CCSER1: variants seen among roughly 807,000 people sequenced by gnomAD.
The protein encoded by CCSER1 is coiled-coil serine rich protein 1.
Under a neutral mutation model 82.0 loss-of-function variants are expected in CCSER1, and 41 were observed. That is an observed-to-expected ratio of 0.50 (90% confidence interval 0.39 to 0.65). CCSER1 has a LOEUF of 0.65. Among genes scored for constraint, CCSER1 ranks in the 30% least tolerant of loss-of-function variants. The pLI is 0.00. For synonymous variants in CCSER1, 414 were observed against 383.9 expected (o/e 1.08, Z -0.92); for missense variants, 1,119 against 1,064.2 (o/e 1.05, Z -0.72).
chr4:90,488,490 G>A (rs1023406235), intron 5 of CCSER1, among the ~76,000 whole-genome samples: 12 of 151,988 alleles, frequency 7.9e-5, no homozygotes, highest in Admixed American at 2.0e-4. Flanking sequence ...ACCAGGCGAC[G>A]TCCTCTCTAT....
intron 10 of CCSER1, among the ~76,000 whole-genome samples, chr4:91,541,646 G>A (rs1373380151): frequency 6.6e-6 from 1 of 152,146 alleles, no homozygotes; most frequent in South Asian, 2.1e-4. Context: ...ATTTGAGTTG[G>A]TTCCAAATCT....
Position 90,557,301 on chromosome 4 carries a change from G to A in CCSER1, c.1725-70724G>A, listed in dbSNP as rs188978080. Among the ~76,000 whole-genome samples, 16 of 152,096 alleles carry A rather than the reference G, an allele frequency of 1.1e-4. 1 individual carries two copies. The East Asian group carries it at 1.9e-3, about 18-fold the overall frequency. On this transcript the variant is annotated intron_variant, in intron 5 of 10. Transcript: ENST00000509176. Reference sequence around the variant, plus strand: ...TATCTTGGAATCAGAATAATTGATCGATACAGCAAAGATTTTTGTAAATAT... The same window carrying A: ...TATCTTGGAATCAGAATAATTGATCAATACAGCAAAGATTTTTGTAAATAT...
intron 5 of CCSER1, among the ~76,000 whole-genome samples, chr4:90,491,058 A>G (rs1441985777): frequency 2.0e-5 from 3 of 152,196 alleles, no homozygotes; most frequent in African/African-American, 7.2e-5. Flanking sequence ...TTCTGTGAAG[A>G]AAGTCATTGG....
At chr4:90,653,616 T>TA (rs1237831878) in intron 6 of CCSER1, among the ~76,000 whole-genome samples, 5 of 152,146 alleles carry the variant, frequency 3.3e-5, no homozygotes, top group Admixed American at 6.5e-5. Context: ...ACATAATTTT[T>TA]ATATTTCCAG....
intron 10 of CCSER1, among the ~76,000 whole-genome samples, chr4:91,101,432 G>A (rs1382246315): frequency 6.6e-6 from 1 of 152,122 alleles, no homozygotes; most frequent in African/African-American, 2.4e-5. Context: ...TTAAGAACCT[G>A]GTTTAAGACC....
chr4:90,438,698 T>C (rs2153571164), intron 4 of CCSER1, among the ~76,000 whole-genome samples: 1 of 152,304 alleles, frequency 6.6e-6, no homozygotes, highest in East Asian at 1.9e-4. Flanking sequence ...ACAGGATATG[T>C]CATGGTAGAT....
chr4:91,183,406 T>C (rs1734231513), intron 10 of CCSER1, among the ~76,000 whole-genome samples: 1 of 152,186 alleles, frequency 6.6e-6, no homozygotes, highest in South Asian at 2.1e-4. Context: ...CACCTTCAAT[T>C]GGTTTAAATT....
Position 91,355,880 on chromosome 4 carries a change from CT to C in CCSER1, c.2218-242691del, listed in dbSNP as rs1748794966. Among the ~76,000 whole-genome samples, 4 of 152,330 alleles carry C rather than the reference CT, an allele frequency of 2.6e-5. No individual in the cohort carries two copies. In the Middle Eastern group the frequency reaches 0.01, roughly 389 times the overall value. On this transcript the variant is annotated intron_variant, in intron 10 of 10. Coordinates refer to ENST00000509176, the MANE Select transcript of CCSER1 (RefSeq NM_001145065.2). ...ACACCTCTACACAGTTAATGTTTCA[CT>C]GGGCTCCCTGATACCAGGAGTAAGG...
intron 5 of CCSER1, among the ~76,000 whole-genome samples, chr4:90,534,954 T>C (rs1775126248): frequency 6.6e-6 from 1 of 152,198 alleles, no homozygotes; most frequent in Admixed American, 6.5e-5. Context: ...ATCTTGGATC[T>C]ACTGAATCAG....
chr4:90,210,081 T>C (rs1196261034), intron 1 of CCSER1, among the ~76,000 whole-genome samples: 3 of 152,176 alleles, frequency 2.0e-5, no homozygotes, highest in African/African-American at 7.2e-5. Flanking sequence ...AGGAATCTCT[T>C]TTTCCCTTCC....
In CCSER1 at chr4:90,309,279, C is replaced by T. The variant is rs780656317; in HGVS notation, c.995C>T (p.Thr332Ile). The T allele has an allele frequency of 6.2e-6, 10 of 1,613,840 alleles. No individual in the cohort carries two copies. Among genetic ancestry groups the T allele is most frequent in the Non-Finnish European group, 8.5e-6 (10 of 1,179,810 alleles). Residue 332 changes from threonine (T) to isoleucine (I), a missense_variant, in exon 2 of 11, where the codon ACT becomes ATT. Thr to Ile is a moderately conservative substitution (Grantham distance 89, BLOSUM62 -1). Coordinates refer to ENST00000509176, the MANE Select transcript of CCSER1 (RefSeq NM_001145065.2). ...GKYRLEGQCSTESNSLPETSA... is the reference protein window; with the variant it reads ...GKYRLEGQCSIESNSLPETSA... Reference sequence around the variant, plus strand: ...TATAGGTTAGAGGGTCAATGTAGCACTGAATCTAATTCATTACCGGAAACC... The same window carrying T: ...TATAGGTTAGAGGGTCAATGTAGCATTGAATCTAATTCATTACCGGAAACC...
At chr4:91,104,292 A>G (rs1182984157) in intron 10 of CCSER1, among the ~76,000 whole-genome samples, 1 of 152,162 alleles carries the variant, frequency 6.6e-6, no homozygotes, top group Non-Finnish European at 1.5e-5. Context: ...CCTTTGAAGC[A>G]TGTGATATTT....
intron 3 of CCSER1, among the ~76,000 whole-genome samples, chr4:90,367,467 G>C (rs1746470480): frequency 6.6e-6 from 1 of 151,726 alleles, no homozygotes; most frequent in Non-Finnish European, 1.5e-5. Flanking sequence ...AACAGTGCTT[G>C]GCAAATAGTG....
chr4:91,332,085 GTTTA>G (rs1746998242), intron 10 of CCSER1, among the ~76,000 whole-genome samples: 2 of 152,066 alleles, frequency 1.3e-5, no homozygotes, highest in African/African-American at 2.4e-5. Flanking sequence ...TACTATATTG[GTTTA>G]TTTGACATGC....
intron 1 of CCSER1, among the ~76,000 whole-genome samples, chr4:90,169,569 A>G (rs767861157): frequency 1.3e-5 from 2 of 152,092 alleles, no homozygotes; most frequent in Non-Finnish European, 2.9e-5. Context: ...GAAATGAGAT[A>G]TGAGAAAACC....
intron 10 of CCSER1, among the ~76,000 whole-genome samples, chr4:91,265,569 G>C (rs1741509565): frequency 1.3e-5 from 2 of 152,136 alleles, no homozygotes; most frequent in African/African-American, 4.8e-5. Flanking sequence ...GTATTCTGTA[G>C]AGCCATGATG....
At chr4:91,308,556 T>A (rs544083115) in intron 10 of CCSER1, among the ~76,000 whole-genome samples, 1 of 151,796 alleles carries the variant, frequency 6.6e-6, no homozygotes, top group South Asian at 2.1e-4. Flanking sequence ...TTATGCCACA[T>A]ATTTTCATAG....
intron 6 of CCSER1, among the ~76,000 whole-genome samples, chr4:90,661,655 A>G (rs1730805333): frequency 6.6e-6 from 1 of 152,182 alleles, no homozygotes; most frequent in South Asian, 2.1e-4. Context: ...AGATTAGAGA[A>G]AGAGTTTATG....
In CCSER1 at chr4:90,870,527, G is replaced by A. The variant is rs78060995; in HGVS notation, c.2095-52843G>A. Among the ~76,000 whole-genome samples the A allele has an allele frequency of 2.0e-3, 297 of 151,762 alleles. 1 individual carries two copies. The highest frequency in any genetic ancestry group is 7.0e-3 in the African/African-American group (290 of 41,486). On this transcript the variant is annotated intron_variant, in intron 8 of 10. Coordinates refer to ENST00000509176, the MANE Select transcript of CCSER1 (RefSeq NM_001145065.2). ...TTTGATGAACCATTTTTGCATCCTG[G>A]AGATAAACCCACTTGCTCATGATGA...
Sources: gnomAD v4.1 joint callset for allele counts (sites outside exome capture counted in the v4.1 genomes callset) on GRCh38, gnomAD v4.1.1 for gene constraint, MANE v1.5 for transcripts, NCBI Gene and HGNC (gene_info 2026-07-23, HGNC 2026-07-21) for gene names.